The following ANKIB1 variants were observed in gnomAD, a reference collection of about 807,000 sequenced individuals.
ANKIB1 encodes the protein ankyrin repeat and IBR domain-containing protein 1.
In ANKIB1, 43 loss-of-function variants were observed where a neutral mutation model predicts 122.1. The observed-to-expected ratio is 0.35, with a 90% CI of 0.28 to 0.45. The LOEUF (loss-of-function observed/expected upper bound fraction) is 0.45, where lower values mean the gene tolerates loss of function less well. Among genes scored for constraint, ANKIB1 ranks in the 20% least tolerant of loss-of-function variants. The probability of loss-of-function intolerance (pLI) is 1.00; values close to 1 mark genes in which losing one functional copy is unlikely to be tolerated. For synonymous variants in ANKIB1, 390 were observed against 442.0 expected, an observed-to-expected ratio of 0.88 and a Z score of 1.48; for missense variants, 992 against 1,329.5, an observed-to-expected ratio of 0.75 and a Z score of 3.95.
intron 2 of ANKIB1, among the ~76,000 whole-genome samples, chr7:92,297,476 T>C (rs1194748803): frequency 6.6e-6 from 1 of 152,236 alleles, no homozygotes; most frequent in Non-Finnish European, 1.5e-5. Flanking sequence ...TGCTAATGTT[T>C]ATTATTTCTC....
Position 92,307,332 on chromosome 7 carries a change from T to TG in ANKIB1, c.189-27_189-26insG, listed in dbSNP as rs758360938. 6.6e-5 allele frequency: 105 copies of TG among 1,580,100 alleles called. No individual in the cohort carries two copies. In the Admixed American group the frequency reaches 1.9e-3, roughly 28 times the overall value. ...GTAGAAAATAAGTGATTTTCATCCT[T>TG]TATTTTTCCCTTTCTTTCCATTTTA... On this transcript the variant is annotated intron_variant, in intron 2 of 19. Transcript: ENST00000265742.
chr7:92,329,878 C>G (rs1050101450), intron 5 of ANKIB1, among the ~76,000 whole-genome samples: 2 of 152,190 alleles, frequency 1.3e-5, no homozygotes, highest in Admixed American at 1.3e-4. Context: ...GTCCTAGTCT[C>G]CAGTTTTACC....
At chr7:92,289,330 C>G (rs912106261) in intron 1 of ANKIB1, among the ~76,000 whole-genome samples, 1 of 152,130 alleles carries the variant, frequency 6.6e-6, no homozygotes, top group Admixed American at 6.6e-5. Flanking sequence ...CTGTGTATCC[C>G]CACTGAAATA....
Position 92,282,160 on chromosome 7 carries a change from T to TA in ANKIB1, c.-90-12729_-90-12728insA, listed in dbSNP as rs1358814106. Reference sequence around the variant, plus strand: ...TTTTGGGGCATAAGTAATTTTTTTTTCTTTCTCTCTTTTTTGAGACAGGGT... The same window carrying TA: ...TTTTGGGGCATAAGTAATTTTTTTTTACTTTCTCTCTTTTTTGAGACAGGGT... On this transcript the variant is annotated intron_variant, in intron 1 of 19. Transcript: ENST00000265742. 2.6e-4 allele frequency among the ~76,000 whole-genome samples: 39 copies of TA among 152,224 alleles called. 1 individual carries two copies. The highest frequency in any genetic ancestry group is 3.4e-3 in the Middle Eastern group (1 of 294).
chr7:92,367,085 A>G (rs1303804992), intron 10 of ANKIB1, among the ~76,000 whole-genome samples: 1 of 152,208 alleles, frequency 6.6e-6, no homozygotes, highest in Non-Finnish European at 1.5e-5. Context: ...AAAATGGTAT[A>G]GATGGTATAT....
At chr7:92,264,423 A>C (rs1288018691) in intron 1 of ANKIB1, among the ~76,000 whole-genome samples, 2 of 152,026 alleles carry the variant, frequency 1.3e-5, no homozygotes. Context: ...TTTGAGACAG[A>C]GTCTTGCCCT....
intron 1 of ANKIB1, among the ~76,000 whole-genome samples, chr7:92,265,998 G>A (rs969521749): frequency 2.6e-5 from 4 of 152,174 alleles, no homozygotes; most frequent in African/African-American, 9.7e-5. Flanking sequence ...GATCAACCAG[G>A]GGAAAATGTA....
intron 1 of ANKIB1, among the ~76,000 whole-genome samples, chr7:92,271,009 G>T (rs1226571661): frequency 1.3e-5 from 2 of 151,700 alleles, no homozygotes; most frequent in African/African-American, 2.4e-5. Flanking sequence ...TGCTTTTGTT[G>T]TTATGTTAAA....
chr7:92,393,118 A>G (rs1214339173), intron 17 of ANKIB1, among the ~76,000 whole-genome samples: 1 of 152,120 alleles, frequency 6.6e-6, no homozygotes, highest in East Asian at 1.9e-4. Context: ...TTTGTAATGT[A>G]TAACCCATTT....
intron 9 of ANKIB1, among the ~76,000 whole-genome samples, chr7:92,358,192 A>C (rs896776060): frequency 6.6e-6 from 1 of 152,214 alleles, no homozygotes; most frequent in Non-Finnish European, 1.5e-5. Flanking sequence ...CAGTGAGCAG[A>C]GATCGTGCCA....
chr7:92,288,881 C>G (rs1045679317), intron 1 of ANKIB1, among the ~76,000 whole-genome samples: 3 of 152,048 alleles, frequency 2.0e-5, no homozygotes, highest in Non-Finnish European at 4.4e-5. Context: ...TAGAAACTGA[C>G]AATTCCAATT....
intron 5 of ANKIB1, among the ~76,000 whole-genome samples, chr7:92,337,943 A>G (rs930454871): frequency 6.6e-6 from 1 of 152,192 alleles, no homozygotes; most frequent in East Asian, 1.9e-4. Flanking sequence ...AAAAGGGAGG[A>G]GATCATAAAA....
At chr7:92,285,441 T>C (rs1802100671) in intron 1 of ANKIB1, among the ~76,000 whole-genome samples, 1 of 152,256 alleles carries the variant, frequency 6.6e-6, no homozygotes, top group African/African-American at 2.4e-5. Flanking sequence ...GTGGACGTTT[T>C]AGTCTTAAAT....
chr7:92,283,330 C>T (rs1029051311), intron 1 of ANKIB1, among the ~76,000 whole-genome samples: 6 of 152,114 alleles, frequency 3.9e-5, no homozygotes, highest in South Asian at 2.1e-4. Flanking sequence ...AGGTAATTTT[C>T]GCTACCCTCT....
chr7:92,319,682 AGT>A (rs1585105305), intron 4 of ANKIB1, 170 bp downstream of exon 4: 2 of 662,138 alleles, frequency 3.0e-6, no homozygotes, highest in East Asian at 6.1e-5. Flanking sequence ...GGCCAACCAC[AGT>A]GGCTCATGCC....
At chr7:92,269,877 A>G (rs987280668) in intron 1 of ANKIB1, among the ~76,000 whole-genome samples, 3 of 151,662 alleles carry the variant, frequency 2.0e-5, no homozygotes, top group East Asian at 3.9e-4. Context: ...TACATGTGCC[A>G]TGTTGGCTTG....
intron 1 of ANKIB1, among the ~76,000 whole-genome samples, chr7:92,256,326 G>T (rs941531419): frequency 6.6e-6 from 1 of 152,162 alleles, no homozygotes; most frequent in African/African-American, 2.4e-5. Flanking sequence ...GATCAGATTT[G>T]CCTTTTAATA....
At chr7:92,319,597 A>C (rs1421894132) in intron 4 of ANKIB1, 85 bp downstream of exon 4, 2 of 1,324,696 alleles carry the variant, frequency 1.5e-6, no homozygotes, top group African/African-American at 3.0e-5. Context: ...TTTAAAACTC[A>C]GTTTGTGTGT....
chr7:92,360,067 T>C (rs1803908637), intron 9 of ANKIB1, among the ~76,000 whole-genome samples: 1 of 150,676 alleles, frequency 6.6e-6, no homozygotes, highest in Non-Finnish European at 1.5e-5. Flanking sequence ...TTCAAGGCAA[T>C]TGGTGCATTT....
Sources: gnomAD v4.1 joint callset for allele counts (sites outside exome capture counted in the v4.1 genomes callset) on GRCh38, gnomAD v4.1.1 for gene constraint, MANE v1.5 for transcripts, NCBI Gene and HGNC (gene_info 2026-07-23, HGNC 2026-07-21) for gene names.